Variants in CCDC152 observed in about 807,000 individuals in gnomAD.
CCDC152 encodes coiled-coil domain-containing protein 152.
Under a neutral mutation model 38.1 loss-of-function variants are expected in CCDC152, and 37 were observed. That is an observed-to-expected ratio of 0.97 (90% CI 0.75 to 1.28). The LOEUF (loss-of-function observed/expected upper bound fraction) is 1.28, where lower values mean the gene tolerates loss of function less well. Among genes scored for constraint, CCDC152 ranks in the 50% most tolerant of loss-of-function variants. The pLI is 0.00. For missense variants in CCDC152, 259 were observed against 292.1 expected (o/e 0.89, Z 0.83); for synonymous variants, 83 against 87.1 (o/e 0.95, Z 0.26).
chr5:42,799,046 T>C (rs2111608960), intron 7 of CCDC152, among the ~76,000 whole-genome samples: 1 of 152,296 alleles, frequency 6.6e-6, no homozygotes, highest in Non-Finnish European at 1.5e-5. Flanking sequence ...CTGTCTGCAC[T>C]ATAGAATCAC....
chr5:42,769,443 T>C (rs956783870), intron 3 of CCDC152, among the ~76,000 whole-genome samples, 154 bp from the exon 4 acceptor site: 6 of 151,966 alleles, frequency 3.9e-5, no homozygotes, highest in Admixed American at 6.6e-5. Flanking sequence ...GTTCAAGTGA[T>C]CCTCCTGCCT....
chr5:42,779,068 T>C (rs576146985), intron 4 of CCDC152, among the ~76,000 whole-genome samples: 2 of 152,296 alleles, frequency 1.3e-5, no homozygotes, highest in South Asian at 2.1e-4. Flanking sequence ...GCATTTAGAA[T>C]GCTCTCTCTT....
chr5:42,767,707 TAA>T (rs1370022706), intron 3 of CCDC152, among the ~76,000 whole-genome samples: 1 of 152,258 alleles, frequency 6.6e-6, no homozygotes, highest in Non-Finnish European at 1.5e-5. Flanking sequence ...ACCTTGTGTT[TAA>T]GTTTTGAAAA....
At chr5:42,780,329 A>G (rs1759827669) in intron 5 of CCDC152, among the ~76,000 whole-genome samples, 1 of 152,168 alleles carries the variant, frequency 6.6e-6, no homozygotes, top group African/African-American at 2.4e-5. Flanking sequence ...CATTCTGGCT[A>G]TGCTCTTAGA....
intron 4 of CCDC152, among the ~76,000 whole-genome samples, chr5:42,774,031 A>G (rs914201950): frequency 1.3e-5 from 2 of 152,190 alleles, no homozygotes; most frequent in African/African-American, 2.4e-5. Context: ...CCCTGCTAAC[A>G]ACAAGTAAAA....
chr5:42,763,340 G>A (rs1482227409), intron 3 of CCDC152, among the ~76,000 whole-genome samples: 1 of 152,108 alleles, frequency 6.6e-6, no homozygotes, highest in Non-Finnish European at 1.5e-5. Flanking sequence ...TAAACAATTG[G>A]GGAAGAAGAC....
At chr5:42,798,672 C>G (rs1057425128) in intron 7 of CCDC152, among the ~76,000 whole-genome samples, 1 of 152,174 alleles carries the variant, frequency 6.6e-6, no homozygotes, top group Non-Finnish European at 1.5e-5. Flanking sequence ...TTGTACCTAA[C>G]CATTTCTCTC....
At position 42,800,750 on chromosome 5, in the gene CCDC152, C is replaced by T. The variant is rs1348743808; in HGVS notation, c.*969C>T. Reference sequence around the variant, plus strand: ...TTGAAGGTCATTCTCACTTTTTTGCCTGATTCTTTCAGCGTCAACTGGCAC... The same window carrying T: ...TTGAAGGTCATTCTCACTTTTTTGCTTGATTCTTTCAGCGTCAACTGGCAC... On this transcript the variant is annotated 3_prime_UTR_variant, in exon 9 of 9. Coordinates refer to ENST00000361970, the MANE Select transcript of CCDC152 (RefSeq NM_001134848.2). 7.5e-6 allele frequency: 12 copies of T among 1,603,938 alleles called. No homozygotes were observed. The highest frequency in any genetic ancestry group is 3.4e-5 in the Admixed American group (2 of 58,672).
intron 7 of CCDC152, among the ~76,000 whole-genome samples, chr5:42,798,185 C>T (rs974817261): frequency 1.3e-5 from 2 of 152,166 alleles, no homozygotes; most frequent in South Asian, 4.2e-4. Context: ...TTCATTTAAC[C>T]GGATATCACA....
intron 6 of CCDC152, among the ~76,000 whole-genome samples, chr5:42,786,088 C>A (rs1759917835): frequency 6.6e-6 from 1 of 151,792 alleles, no homozygotes; most frequent in Non-Finnish European, 1.5e-5. Flanking sequence ...TTTACTGGGT[C>A]CTTGCCAGAT....
chr5:42,785,910 G>A (rs190507986), intron 6 of CCDC152, among the ~76,000 whole-genome samples: 51 of 152,092 alleles, frequency 3.4e-4, no homozygotes, highest in Admixed American at 1.7e-3. Flanking sequence ...GATTCTGTTT[G>A]TGTAGCGAAT....
intron 5 of CCDC152, among the ~76,000 whole-genome samples, chr5:42,782,735 T>C (rs1262400248): frequency 6.6e-6 from 1 of 152,132 alleles, no homozygotes; most frequent in Non-Finnish European, 1.5e-5. Flanking sequence ...CTCACATATT[T>C]AACATATATT....
At chr5:42,793,819 G>A (rs1471232672) in intron 6 of CCDC152, among the ~76,000 whole-genome samples, 1 of 152,176 alleles carries the variant, frequency 6.6e-6, no homozygotes, top group Non-Finnish European at 1.5e-5. Context: ...ATGTTGGTCA[G>A]ACTGGTCTTG....
At position 42,770,852 on chromosome 5, in the gene CCDC152, C is replaced by A. The variant is rs78703659; in HGVS notation, c.262+1187C>A. Among the ~76,000 whole-genome samples, 1,184 of 152,198 alleles carry A rather than the reference C, an allele frequency of 7.8e-3. 16 individuals carry two copies. Among genetic ancestry groups the A allele is most frequent in the African/African-American group, 0.026 (1,073 of 41,562 alleles). Reference sequence around the variant, plus strand: ...CCTTCTTTGGTGTACAAGATTCTCACCTTCTTTGGTTAATTCTTAAGTATT... The same window carrying A: ...CCTTCTTTGGTGTACAAGATTCTCAACTTCTTTGGTTAATTCTTAAGTATT... On this transcript the variant is annotated intron_variant, in intron 4 of 8. Transcript: ENST00000361970.
At chr5:42,794,473 A>C (rs2111596807) in intron 6 of CCDC152, among the ~76,000 whole-genome samples, 1 of 152,326 alleles carries the variant, frequency 6.6e-6, no homozygotes, top group Non-Finnish European at 1.5e-5. Flanking sequence ...GATAAGTGAC[A>C]ACTTGTATAA....
chr5:42,796,289 T>C (rs1034421298), intron 6 of CCDC152, among the ~76,000 whole-genome samples: 1 of 150,590 alleles, frequency 6.6e-6, no homozygotes, highest in African/African-American at 2.4e-5. Context: ...AGCCCTTCAT[T>C]GTGGGGCTTG....
At chr5:42,791,407 A>G (rs943382795) in intron 6 of CCDC152, among the ~76,000 whole-genome samples, 1 of 152,172 alleles carries the variant, frequency 6.6e-6, no homozygotes, top group Non-Finnish European at 1.5e-5. Context: ...ACCTAGCTCT[A>G]TGGCAACCTA....
rs1400524438 is a variant in CCDC152, at chr5:42,801,537, G to A, written c.*1756G>A. 9 of 489,798 alleles carry A rather than the reference G, an allele frequency of 1.8e-5. No homozygotes were observed. In the Admixed American group the frequency reaches 3.0e-4, roughly 16 times the overall value. The allele number at this position is 489,798 out of a possible 1,614,324, so 30.3% of individuals were successfully genotyped here. A position where few individuals can be genotyped will look rare whatever the true frequency, so the allele number is the denominator to read the frequency against. ...GGCTTAAAAAGAAAGCCAAACCACT[G>A]TACTTATATTTGCAGAAGCAAATGA... is the stretch of plus-strand genomic sequence containing the variant. On this transcript the variant is annotated 3_prime_UTR_variant, in exon 9 of 9. Transcript: ENST00000361970.
chr5:42,762,678 A>C, intron 3 of CCDC152, 130 bp downstream of exon 3: 20 of 630,810 alleles, frequency 3.2e-5, no homozygotes, highest in East Asian at 1.5e-4. Context: ...TTATCATCTC[A>C]TTTATATCCT....
Sources: gnomAD v4.1 joint callset for allele counts (sites outside exome capture counted in the v4.1 genomes callset) on GRCh38, gnomAD v4.1.1 for gene constraint, MANE v1.5 for transcripts, NCBI Gene and HGNC (gene_info 2026-07-23, HGNC 2026-07-21) for gene names.